The following CDH23 variants were observed in gnomAD, a reference collection of about 807,000 sequenced individuals.
CDH23 encodes the protein cadherin-23.
In CDH23, 189 loss-of-function variants were observed where a neutral mutation model predicts 317.1. That is an observed-to-expected ratio of 0.60 (90% CI 0.53 to 0.67). CDH23 has a LOEUF of 0.67. Ranked by LOEUF, CDH23 falls within the 30% of genes least tolerant of loss-of-function variation. The pLI, the probability that CDH23 is intolerant of heterozygous loss-of-function variation, is 0.00. For synonymous variants in CDH23, 1,839 were observed against 1,876.8 expected (o/e 0.98, Z 0.52); for missense variants, 4,401 against 4,592.4 (o/e 0.96, Z 1.20).
chr10:71,803,495 C>A, intron 55 of CDH23, 75 bp downstream of exon 55: 4 of 1,357,464 alleles, frequency 2.9e-6, no homozygotes, highest in South Asian at 1.3e-5. Flanking sequence ...GTGGAAGCAC[C>A]CCACTCTAAA....
intron 45 of CDH23, 69 bp downstream of exon 45, chr10:71,789,111 ACCTC>A (rs1564794224): frequency 5.0e-6 from 4 of 803,368 alleles, no homozygotes; most frequent in Non-Finnish European, 6.6e-6. Context: ...ATGCCTGAGG[ACCTC>A]CCTTATGCCT....
chr10:71,510,866 T>C (rs1364359023), intron 4 of CDH23, 88 bp from the exon 5 acceptor site: 1 of 1,315,544 alleles, frequency 7.6e-7, no homozygotes, highest in African/African-American at 1.4e-5. Context: ...AGGGCAATCC[T>C]GGAGCCCCTC....
chr10:71,422,160 A>G (rs1848848434), intron 1 of CDH23, among the ~76,000 whole-genome samples: 1 of 152,222 alleles, frequency 6.6e-6, no homozygotes, highest in South Asian at 2.1e-4. Context: ...AGAAGGTGGG[A>G]CATTGTGGGG....
intron 53 of CDH23, among the ~76,000 whole-genome samples, chr10:71,801,610 C>G (rs1841561214): frequency 1.3e-5 from 2 of 152,160 alleles, no homozygotes; most frequent in Non-Finnish European, 2.9e-5. Context: ...TTTGCTTCCT[C>G]TTTCTCTCTC....
intron 28 of CDH23, chr10:71,715,614 C>T: frequency 4.1e-6 from 1 of 246,688 alleles, no homozygotes; most frequent in Non-Finnish European, 7.7e-6. Flanking sequence ...GAGGGTGCTG[C>T]TTCTAGGAGG....
At chr10:71,761,683 G>A (rs1341715920) in intron 38 of CDH23, 1 of 1,613,942 alleles carries the variant, frequency 6.2e-7, no homozygotes, top group Non-Finnish European at 8.5e-7. Flanking sequence ...AGCAGTAGAG[G>A]CCGCTATCCA....
intron 14 of CDH23, among the ~76,000 whole-genome samples, chr10:71,672,206 G>A (rs536857316): frequency 5.3e-5 from 8 of 152,104 alleles, no homozygotes; most frequent in Non-Finnish European, 1.2e-4. Context: ...CTGTTCAAGC[G>A]GAGGGGGCAG....
intron 12 of CDH23, among the ~76,000 whole-genome samples, chr10:71,644,681 G>A (rs1862741751): frequency 6.6e-6 from 1 of 152,232 alleles, no homozygotes; most frequent in Admixed American, 6.5e-5. Flanking sequence ...CAACCAAGAT[G>A]TGAGGGTGGG....
Position 71,778,726 on chromosome 10 carries a change from G to A in CDH23, c.5187+418G>A, listed in dbSNP as rs573184706. Among the ~76,000 whole-genome samples, 6 of 152,306 alleles carry A rather than the reference G, an allele frequency of 3.9e-5. No homozygotes were observed. In the South Asian group the frequency reaches 1.0e-3, roughly 26 times the overall value. On this transcript the variant is annotated intron_variant, in intron 40 of 69. Transcript: ENST00000224721. ...AATGAAACCACGTAAGACAACCACA[G>A]TGCAGCAACAAATAGAAGTTTATGG...
In CDH23 at chr10:71,725,390, T is replaced by G. The variant is rs1866762017; in HGVS notation, c.3449T>G (p.Phe1150Cys). 1.2e-6 allele frequency: 2 copies of G among 1,613,932 alleles called. No individual in the cohort carries two copies. Among genetic ancestry groups the G allele is most frequent in the Non-Finnish European group, 1.7e-6 (2 of 1,179,862 alleles). ...RILHGNHGNN[F>C]RIHVSNGLLM... ...CACACAGGTAACCATGGCAACAACTTCCGGATCCATGTCAGCAATGGGCTC... is the reference window on the plus strand; with the variant it reads ...CACACAGGTAACCATGGCAACAACTGCCGGATCCATGTCAGCAATGGGCTC... Residue 1150 changes from phenylalanine (F) to cysteine (C), a missense_variant, in exon 30 of 70, where the codon TTC becomes TGC. Coordinates refer to ENST00000224721, the MANE Select transcript of CDH23 (RefSeq NM_022124.6).
intron 14 of CDH23, among the ~76,000 whole-genome samples, chr10:71,662,929 C>T (rs1863739161): frequency 6.6e-6 from 1 of 152,320 alleles, no homozygotes; most frequent in East Asian, 1.9e-4. Context: ...CCTGGCCTTT[C>T]CCAGCTTCTG....
At chr10:71,453,156 G>A (rs1396484101) in intron 3 of CDH23, among the ~76,000 whole-genome samples, 2 of 152,224 alleles carry the variant, frequency 1.3e-5, no homozygotes, top group Non-Finnish European at 2.9e-5. Flanking sequence ...ATCATGCCAT[G>A]CTAATCACCT....
intron 30 of CDH23, among the ~76,000 whole-genome samples, chr10:71,728,933 C>G (rs569161974): frequency 2.6e-5 from 4 of 151,830 alleles, no homozygotes; most frequent in Non-Finnish European, 5.9e-5. Context: ...TGGGCTCAAG[C>G]GATCCTCTTG....
At chr10:71,568,599 C>T (rs1312103349) in intron 7 of CDH23, among the ~76,000 whole-genome samples, 7 of 152,184 alleles carry the variant, frequency 4.6e-5, no homozygotes, top group Admixed American at 3.9e-4. Flanking sequence ...AAGTCCCTCT[C>T]TAGATGGCTT....
intron 18 of CDH23, among the ~76,000 whole-genome samples, chr10:71,687,442 G>T (rs1444370229): frequency 6.6e-6 from 1 of 152,114 alleles, no homozygotes; most frequent in Non-Finnish European, 1.5e-5. Flanking sequence ...GTTTCCCCAA[G>T]GCTGGTCCTA....
chr10:71,582,273 A>T (rs571966227), intron 9 of CDH23, among the ~76,000 whole-genome samples: 1 of 152,336 alleles, frequency 6.6e-6, no homozygotes, highest in Non-Finnish European at 1.5e-5. Flanking sequence ...CCATGTAGCT[A>T]CTGGGCACTT....
chr10:71,440,573 A>C (rs1849827269), intron 2 of CDH23, among the ~76,000 whole-genome samples: 1 of 152,198 alleles, frequency 6.6e-6, no homozygotes, highest in Non-Finnish European at 1.5e-5. Context: ...TAGTCTGAGC[A>C]AAGCTATGGC....
chr10:71,650,318 C>T (rs78401939), intron 14 of CDH23, among the ~76,000 whole-genome samples: 188 of 152,332 alleles, frequency 1.2e-3, no homozygotes, highest in African/African-American at 4.4e-3. Flanking sequence ...AGAGCTGTCT[C>T]TGTGAGGAAA....
chr10:71,513,795 A>C (rs1330664231), intron 6 of CDH23, among the ~76,000 whole-genome samples: 1 of 152,194 alleles, frequency 6.6e-6, no homozygotes, highest in Non-Finnish European at 1.5e-5. Context: ...CCATGATCAG[A>C]GGATGAAACC....
Sources: gnomAD v4.1 joint callset for allele counts (sites outside exome capture counted in the v4.1 genomes callset) on GRCh38, gnomAD v4.1.1 for gene constraint, MANE v1.5 for transcripts, NCBI Gene and HGNC (gene_info 2026-07-23, HGNC 2026-07-21) for gene names.